Variants in ATG5 observed in about 807,000 individuals in gnomAD.
The protein encoded by ATG5 is autophagy protein 5.
A neutral mutation model predicts 36.5 loss-of-function variants in ATG5; 14 were observed. That is an observed-to-expected ratio of 0.38 (90% CI 0.25 to 0.60). The LOEUF is 0.60. ATG5 is among the 20% of genes least tolerant of loss of function. ATG5 has a pLI of 0.60. For missense variants in ATG5, 195 were observed against 326.7 expected (o/e 0.60, Z 3.11); for synonymous variants, 95 against 101.5 (o/e 0.94, Z 0.38).
chr6:106,245,590 A>G (rs1414551871), intron 6 of ATG5, among the ~76,000 whole-genome samples: 1 of 152,150 alleles, frequency 6.6e-6, no homozygotes, highest in Non-Finnish European at 1.5e-5. Context: ...CTTCAACAAG[A>G]TAAGATGGGC....
chr6:106,296,092 C>A (rs1237141737), intron 3 of ATG5, among the ~76,000 whole-genome samples: 5 of 152,064 alleles, frequency 3.3e-5, no homozygotes, highest in Admixed American at 3.3e-4. Context: ...ACATAAAGAT[C>A]TAATGGAGCC....
At chr6:106,310,065 C>T (rs1336436592) in intron 2 of ATG5, among the ~76,000 whole-genome samples, 2 of 151,854 alleles carry the variant, frequency 1.3e-5, no homozygotes, top group African/African-American at 4.8e-5. Flanking sequence ...ATATTTTTTA[C>T]AATAAGGAAA....
chr6:106,213,397 T>C (rs138928702), intron 6 of ATG5, among the ~76,000 whole-genome samples: 2 of 152,314 alleles, frequency 1.3e-5, no homozygotes, highest in Non-Finnish European at 2.9e-5. Flanking sequence ...AGTTGGAAGC[T>C]ATATCAGTAG....
intron 5 of ATG5, among the ~76,000 whole-genome samples, chr6:106,259,579 T>G (rs1159965471): frequency 1.3e-5 from 2 of 152,080 alleles, no homozygotes; most frequent in African/African-American, 4.8e-5. Flanking sequence ...TTTCCTTCTC[T>G]TCTCACTTCC....
chr6:106,248,293 G>A (rs758735755), intron 5 of ATG5, 49 bp from the exon 6 acceptor site: 1 of 1,343,264 alleles, frequency 7.4e-7, no homozygotes, highest in Admixed American at 1.7e-5. Context: ...ACATTATAAT[G>A]GAATACCTCA....
At chr6:106,235,823 AT>A (rs1160284632) in intron 6 of ATG5, among the ~76,000 whole-genome samples, 1 of 152,030 alleles carries the variant, frequency 6.6e-6, no homozygotes, top group Non-Finnish European at 1.5e-5. Flanking sequence ...CAAAAAAAAA[AT>A]AGCTTAATTG....
At chr6:106,193,341 G>A (rs975361550) in intron 7 of ATG5, among the ~76,000 whole-genome samples, 2 of 152,014 alleles carry the variant, frequency 1.3e-5, no homozygotes, top group Non-Finnish European at 2.9e-5. Flanking sequence ...CTCTTTCCAT[G>A]TATACATTTT....
At chr6:106,206,124 T>C (rs1008529011) in intron 6 of ATG5, among the ~76,000 whole-genome samples, 2 of 152,152 alleles carry the variant, frequency 1.3e-5, no homozygotes, top group Admixed American at 1.3e-4. Context: ...TTCCTCATCA[T>C]GGCAGTATTA....
chr6:106,296,075 A>G (rs979079898), intron 3 of ATG5, among the ~76,000 whole-genome samples: 35 of 152,202 alleles, frequency 2.3e-4, no homozygotes, highest in Admixed American at 5.2e-4. Flanking sequence ...GACTAACCCT[A>G]GGTACAACAT....
At chr6:106,255,247 CCTT>C (rs1192986148) in intron 5 of ATG5, among the ~76,000 whole-genome samples, 6 of 152,102 alleles carry the variant, frequency 3.9e-5, no homozygotes, top group African/African-American at 1.4e-4. Flanking sequence ...CTTTCCAACC[CCTT>C]CTTCTTCTAA....
At chr6:106,288,394 GA>G (rs1258713458) in intron 4 of ATG5, among the ~76,000 whole-genome samples, 2 of 152,022 alleles carry the variant, frequency 1.3e-5, no homozygotes, top group African/African-American at 4.8e-5. Context: ...AAACCAATGA[GA>G]AAAGCTTGAA....
At chr6:106,207,814 C>A (rs951763243) in intron 6 of ATG5, among the ~76,000 whole-genome samples, 1 of 151,202 alleles carries the variant, frequency 6.6e-6, no homozygotes, top group African/African-American at 2.4e-5. Flanking sequence ...TTAGATTCGG[C>A]TGGGGGTGGT....
intron 5 of ATG5, among the ~76,000 whole-genome samples, chr6:106,264,466 A>T (rs894845971): frequency 6.6e-6 from 1 of 152,212 alleles, no homozygotes; most frequent in Admixed American, 6.5e-5. Context: ...ACAGGCCAAC[A>T]TTCAAATTCA....
Position 106,202,082 on chromosome 6 carries a change from G to A in ATG5, c.581C>T (p.Thr194Ile), listed in dbSNP as rs1167250572. The A allele has an allele frequency of 1.9e-6, 3 of 1,613,128 alleles. No individual in the cohort carries two copies. Among genetic ancestry groups the A allele is most frequent in the Non-Finnish European group, 2.5e-6 (3 of 1,179,484 alleles). The change falls in exon 7 of 8, where the codon ACT becomes ATT. Residue 194 changes from threonine to isoleucine, a missense_variant. Thr to Ile is a moderately conservative substitution (Grantham distance 89). Transcript: ENST00000369076. The part of the protein sequence containing the change: ...YIPFRIYQTT[T>I]ERPFIQKLFR... ...CAGCTTCTGAATGAAAGGTCTTTCAGTCGTTGTCTATTTGAAAAAGGAAAA... is the reference window on the plus strand; with the variant it reads ...CAGCTTCTGAATGAAAGGTCTTTCAATCGTTGTCTATTTGAAAAAGGAAAA...
Position 106,279,821 on chromosome 6 carries a change from A to T in ATG5, c.318T>A (p.Ser106Arg). 6.7e-7 allele frequency: 1 copy of T among 1,490,406 alleles called. No homozygotes were observed. The allele number at this position is 1,490,406 out of a possible 1,614,324, so 92.3% of individuals were successfully genotyped here. The change falls in exon 5 of 8, where the codon AGT becomes AGA. Residue 106 changes from serine to arginine, a missense_variant and splice_region_variant. Physicochemically the swap from Ser to Arg is moderately radical, Grantham distance 110. Transcript: ENST00000369076. ...AGTGCAGAAGGTCTTTTTCTGGAAA[A>T]CTCTATCAAAGGAAAAAATATACAT... ...LPWNITVHFKSFPEKDLLHCP... is the reference protein window; with the variant it reads ...LPWNITVHFKRFPEKDLLHCP...
chr6:106,222,499 C>T (rs73775394), intron 6 of ATG5, among the ~76,000 whole-genome samples: 3,612 of 152,242 alleles, frequency 0.024, 58 homozygotes, highest in African/African-American at 0.046. Context: ...TTTTTACTTT[C>T]TGTGCATGCA....
chr6:106,314,359 C>A (rs182580577), intron 2 of ATG5, among the ~76,000 whole-genome samples: 22 of 152,224 alleles, frequency 1.4e-4, no homozygotes, highest in Admixed American at 5.2e-4. Flanking sequence ...GAGTTTGAGA[C>A]CAGCCTGGCC....
At chr6:106,208,248 A>G (rs1776714527) in intron 6 of ATG5, among the ~76,000 whole-genome samples, 1 of 152,240 alleles carries the variant, frequency 6.6e-6, no homozygotes, top group African/African-American at 2.4e-5. Context: ...ATGTGTATAT[A>G]TACATCTGTG....
chr6:106,306,808 CCTTT>C (rs149833563), intron 3 of ATG5, among the ~76,000 whole-genome samples: 3,188 of 152,292 alleles, frequency 0.021, 99 homozygotes, highest in African/African-American at 0.073. Context: ...GTTTACACTT[CCTTT>C]AAGTCGCCTT....
Sources: gnomAD v4.1 joint callset for allele counts (sites outside exome capture counted in the v4.1 genomes callset) on GRCh38, gnomAD v4.1.1 for gene constraint, MANE v1.5 for transcripts, NCBI Gene and HGNC (gene_info 2026-07-23, HGNC 2026-07-21) for gene names.